DOP1B: variants seen among roughly 807,000 people sequenced by gnomAD.
DOP1B encodes the protein DOP1 leucine zipper like protein B.
DOP1B carries 174 observed loss-of-function variants against 233.5 expected under a neutral mutation model. The ratio of observed to expected loss-of-function variants is 0.75; its 90% confidence interval spans 0.66 to 0.85. The LOEUF is 0.85. Among genes scored for constraint, DOP1B ranks in the 40% least tolerant of loss-of-function variants. The pLI, the probability that DOP1B is intolerant of heterozygous loss-of-function variation, is 0.00. For missense variants in DOP1B, 2,652 were observed against 2,846.6 expected, an observed-to-expected ratio of 0.93 and a Z score of 1.56; for synonymous variants, 1,190 against 1,185.6, an observed-to-expected ratio of 1.00 and a Z score of -0.08.
At chr21:36,263,852 C>T (rs749373612) in intron 26 of DOP1B, 38 bp downstream of exon 26, 3 of 1,582,534 alleles carry the variant, frequency 1.9e-6, no homozygotes, top group South Asian at 1.1e-5. Context: ...ATGATATTAC[C>T]CCAGCAGTGC....
intron 2 of DOP1B, among the ~76,000 whole-genome samples, chr21:36,168,576 G>A (rs2065938659): frequency 6.6e-6 from 1 of 151,430 alleles, no homozygotes; most frequent in Admixed American, 6.6e-5. Flanking sequence ...TGCCCAGGCT[G>A]GAGTGCAGTT....
intron 20 of DOP1B, among the ~76,000 whole-genome samples, chr21:36,248,107 C>T (rs1211773491): frequency 6.6e-6 from 1 of 152,126 alleles, no homozygotes; most frequent in African/African-American, 2.4e-5. Context: ...CTGTAGAATA[C>T]CCTGGGATTA....
chr21:36,237,758 G>A (rs1437979977), intron 16 of DOP1B, among the ~76,000 whole-genome samples: 2 of 152,200 alleles, frequency 1.3e-5, no homozygotes, highest in Non-Finnish European at 1.5e-5. Context: ...GAAGCAGGGC[G>A]TGGTGGCTCA....
chr21:36,208,694 C>T, intron 4 of DOP1B, 21 bp from the exon 5 acceptor site: 1 of 1,608,966 alleles, frequency 6.2e-7, no homozygotes, highest in Non-Finnish European at 8.5e-7. Context: ...GCCCTTGAAC[C>T]CTATCCTCTC....
chr21:36,157,332 C>A (rs573570815), intron 1 of DOP1B, among the ~76,000 whole-genome samples: 7 of 152,314 alleles, frequency 4.6e-5, no homozygotes, highest in Admixed American at 3.3e-4. Context: ...AAGAGACGCT[C>A]AGCCTTTGTT....
chr21:36,208,774 C>T lies in DOP1B; in HGVS notation c.551C>T (p.Ala184Val), dbSNP rs2066458362. The stretch of plus-strand genomic sequence containing the variant: ...GTTGGCAAAGAGGTGTTTTACACCG[C>T]CCTCTGGGGGAGCGTCCTGGCCAGC... ...LVVGKEVFYT[A>V]LWGSVLASPS... is the part of the protein sequence containing the mutation. The change falls in exon 5 of 37, where the codon GCC (alanine) becomes GTC (valine). Residue 184 changes from alanine (A) to valine (V), a missense_variant. Coordinates refer to ENST00000691173, the MANE Select transcript of DOP1B (RefSeq NM_001320714.2). 2 of 1,613,194 alleles carry T rather than the reference C, an allele frequency of 1.2e-6. No homozygotes were observed. The highest frequency in any genetic ancestry group is 2.7e-5 in the African/African-American group (2 of 74,880).
At chr21:36,201,384 A>G (rs140678473) in intron 4 of DOP1B, among the ~76,000 whole-genome samples, 3,387 of 78,320 alleles carry the variant, frequency 0.043, 148 homozygotes, top group African/African-American at 0.14. Flanking sequence ...GTCTTGTTCT[A>G]TCACCCAGGC....
At position 36,246,513 on chromosome 21, in the gene DOP1B, C is replaced by G; in HGVS notation, c.4533C>G (p.Tyr1511Ter). The G allele has an allele frequency of 6.2e-7, 1 of 1,614,168 alleles. No homozygotes were observed. The highest frequency in any genetic ancestry group is 1.1e-5 in the South Asian group (1 of 91,086). Residue 1511 changes from tyrosine to a stop codon, truncating the protein, a stop_gained, in exon 19 of 37, where the codon TAC (tyrosine) becomes TAG (stop). Transcript: ENST00000691173. LOFTEE classifies it high-confidence loss of function. This position sits in a 1 kb window ranked among gnomAD's most constrained non-coding sequence, Gnocchi z 5.1. ...TGGTGAGGGGTCTGCAGCCCGCCTA[C>G]GGTTACGGCATGCATCCGGCCTGGG... ...SAVVRGLQPA[Y>*]GYGMHPAWVS... is the part of the protein sequence containing the mutation.
chr21:36,193,838 CAA>C (rs1457762996), intron 2 of DOP1B, among the ~76,000 whole-genome samples: 3 of 152,172 alleles, frequency 2.0e-5, no homozygotes, highest in African/African-American at 4.8e-5. Flanking sequence ...AGCTTCTGCA[CAA>C]AGAGTGGAGT....
rs1409519781 is a variant in DOP1B at position 36,245,170 on chromosome 21, C to T, written c.3190C>T (p.Arg1064Cys). ...LPLSQFTTVD[R>C]EAIWAEVEKE... The stretch of plus-strand genomic sequence containing the variant: ...TCTGAGCCAGTTCACCACAGTGGAC[C>T]GTGAAGCCATTTGGGCCGAAGTGGA... Residue 1064 changes from arginine to cysteine, a missense_variant, in exon 19 of 37, where the codon CGT (arginine) becomes TGT (cysteine). Around this residue, in one of 3 missense-constraint regions of DOP1B, gnomAD observed 2,617 missense variants for 2,794.3 expected, o/e 0.94. Transcript: ENST00000691173. This position sits in a 1 kb window ranked among gnomAD's most constrained non-coding sequence, Gnocchi z 5.5. The T allele has an allele frequency of 7.4e-6, 12 of 1,613,868 alleles. No individual in the cohort carries two copies. The highest frequency in any genetic ancestry group is 2.2e-5 in the South Asian group (2 of 91,094).
chr21:36,278,791 C>T (rs2067383159), intron 30 of DOP1B, among the ~76,000 whole-genome samples: 1 of 152,150 alleles, frequency 6.6e-6, no homozygotes, highest in African/African-American at 2.4e-5. Flanking sequence ...ATCGCTTGAA[C>T]CTGGGAAGTG....
chr21:36,274,646 G>A (rs1360889913), intron 27 of DOP1B, among the ~76,000 whole-genome samples: 1 of 152,050 alleles, frequency 6.6e-6, no homozygotes, highest in Non-Finnish European at 1.5e-5. Context: ...AGTGCAACAG[G>A]AAGGGGCAAC....
rs758367915 is a variant in DOP1B at position 36,239,778 on chromosome 21, G to T, written c.2890G>T (p.Val964Leu). ...NRSFDRSLFV[V>L]LDSLACTDGA... is the part of the protein sequence containing the mutation. Reference sequence around the variant, plus strand: ...TTCCCACTGCAGGTCCTTGTTTGTCGTGCTGGACAGCCTGGCCTGCACGGA... The same window carrying T: ...TTCCCACTGCAGGTCCTTGTTTGTCTTGCTGGACAGCCTGGCCTGCACGGA... Residue 964 changes from valine to leucine, a missense_variant, in exon 18 of 37, where the codon GTG becomes TTG. Physicochemically the swap from Val to Leu is conservative, Grantham distance 32 (BLOSUM62 1). Transcript: ENST00000691173. 1 of 1,542,562 alleles carries T rather than the reference G, an allele frequency of 6.5e-7. No individual in the cohort carries two copies. Among genetic ancestry groups the T allele is most frequent in the South Asian group, 1.2e-5 (1 of 83,358 alleles).
rs755240356 is a variant in DOP1B, at chr21:36,246,441, C to T, written c.4461C>T (p.Tyr1487=). Residue 1487 remains tyrosine (Y), a synonymous_variant, in exon 19 of 37, where the codon TAC becomes TAT. Transcript: ENST00000691173. The surrounding 1 kb of genome is among the most constrained non-coding windows in gnomAD (Gnocchi z 5.1). ...AGCAGGCCATCAGCGCCCTGCAGTA[C>T]GTGCAGCCCCACCCCCTCACCTCCC... ...NFQQAISALQ[Y]VQPHPLTSQG... is the part of the protein sequence containing the mutation. 1.1e-5 allele frequency: 17 copies of T among 1,613,578 alleles called. No individual in the cohort carries two copies. Among genetic ancestry groups the T allele is most frequent in the East Asian group, 4.5e-5 (2 of 44,890 alleles).
At position 36,239,831 on chromosome 21, in the gene DOP1B, C is replaced by A. The variant is rs1416112620; in HGVS notation, c.2943C>A (p.Gly981=). 1.9e-6 allele frequency: 3 copies of A among 1,572,956 alleles called. No individual in the cohort carries two copies. The African/African-American group carries it at 4.1e-5, about 21-fold the overall frequency. ...TDGAIGAAAQ[G]WLVRALSLGD... is the part of the protein sequence containing the mutation. ...GTGCCATCGGTGCGGCAGCCCAGGG[C>A]TGGCTGGTGCGTGCGCTCTCCCTCG... is the stretch of plus-strand genomic sequence containing the variant. The change falls in exon 18 of 37, where the codon GGC becomes GGA. Residue 981 remains glycine (G), a synonymous_variant. Transcript: ENST00000691173.
Position 36,278,266 on chromosome 21 carries a change from C to A in DOP1B, c.5880C>A (p.Gly1960=), listed in dbSNP as rs141891190. 179 of 1,614,132 alleles carry A rather than the reference C, an allele frequency of 1.1e-4. No individual in the cohort carries two copies. The African/African-American group carries it at 2.1e-3, about 19-fold the overall frequency. The change falls in exon 30 of 37, where the codon GGC becomes GGA. Residue 1960 remains glycine (G), a synonymous_variant. Coordinates refer to ENST00000691173, the MANE Select transcript of DOP1B (RefSeq NM_001320714.2). ...CTCAGCTGCTGAGCTCCCTGAGTGG[C>A]TATGCCTACACAAAGCGAGCCTGGA... ...AGAQLLSSLS[G]YAYTKRAWRK...
At chr21:36,166,444 A>G (rs2065912162) in intron 2 of DOP1B, among the ~76,000 whole-genome samples, 1 of 152,018 alleles carries the variant, frequency 6.6e-6, no homozygotes, top group Non-Finnish European at 1.5e-5. Flanking sequence ...CTCAAAAAAA[A>G]AAAAATTGTC....
chr21:36,233,832 T>G (rs1234894682), intron 15 of DOP1B, among the ~76,000 whole-genome samples: 1 of 152,016 alleles, frequency 6.6e-6, no homozygotes, highest in Non-Finnish European at 1.5e-5. Context: ...TGGGGGAGCT[T>G]TTACTTAATT....
Position 36,181,028 on chromosome 21 carries a change from C to T in DOP1B, c.138+16157C>T, listed in dbSNP as rs533393654. On this transcript the variant is annotated intron_variant, in intron 2 of 36. Coordinates refer to ENST00000691173, the MANE Select transcript of DOP1B (RefSeq NM_001320714.2). ...ATTTTCCTCAGGTAGACAGGTATAC[C>T]GTCAACCAATACTGATTTGTATTTT... Among the ~76,000 whole-genome samples, 9 of 152,162 alleles carry T rather than the reference C, an allele frequency of 5.9e-5. No homozygotes were observed. The East Asian group carries it at 7.7e-4, about 13-fold the overall frequency.
Sources: gnomAD v4.1 joint callset for allele counts (sites outside exome capture counted in the v4.1 genomes callset) on GRCh38, gnomAD v4.1.1 for gene constraint, gnomAD v4.1.1 regional missense constraint, Gnocchi (gnomAD v3.1) non-coding constraint, MANE v1.5 for transcripts, NCBI Gene and HGNC (gene_info 2026-07-23, HGNC 2026-07-21) for gene names.